The following NR3C2 variants were observed in gnomAD, a reference collection of about 807,000 sequenced individuals.
NR3C2 encodes nuclear receptor subfamily 3 group C member 2.
A neutral mutation model predicts 86.4 loss-of-function variants in NR3C2; 15 were observed. The ratio of observed to expected loss-of-function variants is 0.17; its 90% CI spans 0.12 to 0.27. NR3C2 has a LOEUF of 0.27. Among genes scored for constraint, NR3C2 ranks in the 10% least tolerant of loss-of-function variants. The pLI is 1.00. For synonymous variants in NR3C2, 458 were observed against 450.5 expected (o/e 1.02, Z -0.21); for missense variants, 960 against 1,195.6 (o/e 0.80, Z 2.91).
At chr4:148,138,404 G>A (rs2149750963) in intron 6 of NR3C2, among the ~76,000 whole-genome samples, 1 of 152,090 alleles carries the variant, frequency 6.6e-6, no homozygotes, top group South Asian at 2.1e-4. Flanking sequence ...ATTTTTTTGA[G>A]ACAGGGTCTT....
chr4:148,213,375 T>A (rs1394423276), intron 3 of NR3C2, among the ~76,000 whole-genome samples: 1 of 152,126 alleles, frequency 6.6e-6, no homozygotes, highest in Non-Finnish European at 1.5e-5. Context: ...AGACATGGTG[T>A]TAAAGTCTAA....
intron 2 of NR3C2, among the ~76,000 whole-genome samples, chr4:148,352,065 G>A (rs1745308263): frequency 6.6e-6 from 1 of 152,188 alleles, no homozygotes; most frequent in African/African-American, 2.4e-5. Context: ...CTAACTTGCT[G>A]TAGGGAGAAG....
chr4:148,389,549 C>T (rs1212087505), intron 2 of NR3C2, among the ~76,000 whole-genome samples: 1 of 151,902 alleles, frequency 6.6e-6, no homozygotes, highest in Non-Finnish European at 1.5e-5. Flanking sequence ...CATTTATCTC[C>T]TAGTATTACT....
chr4:148,177,719 T>A (rs1005408513), intron 4 of NR3C2, among the ~76,000 whole-genome samples: 1 of 152,184 alleles, frequency 6.6e-6, no homozygotes, highest in Non-Finnish European at 1.5e-5. Context: ...TGGCTGATCA[T>A]CCCTTTCTGA....
In NR3C2 at chr4:148,231,282, C is replaced by T. The variant is rs529677525; in HGVS notation, c.1897+28696G>A. On this transcript the variant is annotated intron_variant, in intron 3 of 8. Coordinates refer to ENST00000358102, the MANE Select transcript of NR3C2 (RefSeq NM_000901.5). The stretch of plus-strand genomic sequence containing the variant: ...AACGAACCAAAACTTTCAATTCGGC[C>T]TTTTTGCTATAACCATTGATAAATT... Among the ~76,000 whole-genome samples, 3 of 152,256 alleles carry T rather than the reference C, an allele frequency of 2.0e-5. No individual in the cohort carries two copies. In the East Asian group the frequency reaches 5.8e-4, roughly 29 times the overall value.
chr4:148,440,691 G>A (rs535787849), intron 1 of NR3C2, among the ~76,000 whole-genome samples: 1 of 152,298 alleles, frequency 6.6e-6, no homozygotes, highest in East Asian at 1.9e-4. Flanking sequence ...CCATACATAT[G>A]CTCTCAAACA....
intron 3 of NR3C2, among the ~76,000 whole-genome samples, chr4:148,228,822 C>T (rs1054899290): frequency 6.6e-6 from 1 of 152,134 alleles, no homozygotes; most frequent in Non-Finnish European, 1.5e-5. Flanking sequence ...ACATTATATC[C>T]AACCCCATAT....
chr4:148,205,400 C>T (rs965892888), intron 3 of NR3C2, among the ~76,000 whole-genome samples: 1 of 152,190 alleles, frequency 6.6e-6, no homozygotes, highest in Admixed American at 6.5e-5. Flanking sequence ...CTCCCCCTCT[C>T]CTATCCTCTA....
At chr4:148,443,222 C>CA (rs59506438), upstream of NR3C2, among the ~76,000 whole-genome samples, 1,461 of 40,796 alleles carry the variant, frequency 0.036, 171 homozygotes, top group African/African-American at 0.072. Context: ...CCCCTAACAC[C>CA]AAAAAAAAAA....
chr4:148,217,548 C>T (rs1289780231), intron 3 of NR3C2, among the ~76,000 whole-genome samples: 2 of 152,198 alleles, frequency 1.3e-5, no homozygotes, highest in Admixed American at 1.3e-4. Flanking sequence ...AACAGATCCA[C>T]TCTGCTATTG....
chr4:148,084,776 G>A (rs775438721), intron 8 of NR3C2, among the ~76,000 whole-genome samples: 39 of 152,054 alleles, frequency 2.6e-4, no homozygotes, highest in Non-Finnish European at 4.1e-4. Context: ...CCCATTTCAC[G>A]TGCAAAGACA....
intron 8 of NR3C2, among the ~76,000 whole-genome samples, chr4:148,090,810 C>T (rs1731025737): frequency 6.6e-6 from 1 of 152,208 alleles, no homozygotes; most frequent in Non-Finnish European, 1.5e-5. Flanking sequence ...CCGTGTTCCA[C>T]AGACAGAGAA....
At position 148,246,657 on chromosome 4, in the gene NR3C2, T is replaced by G. The variant is rs1164205062; in HGVS notation, c.1897+13321A>C. ...ACCTCTGTCTCCCGGGTTCAAGCAA[T>G]TCTCATTTCTCAGCCTCCAGAGTAG... On this transcript the variant is annotated intron_variant, in intron 3 of 8. Coordinates refer to ENST00000358102, the MANE Select transcript of NR3C2 (RefSeq NM_000901.5). 2.0e-5 allele frequency among the ~76,000 whole-genome samples: 3 copies of G among 152,150 alleles called. No homozygotes were observed. In the East Asian group the frequency reaches 5.8e-4, roughly 29 times the overall value.
chr4:148,154,998 T>C, intron 4 of NR3C2, 97 bp from the exon 5 acceptor site: 3 of 964,456 alleles, frequency 3.1e-6, no homozygotes, highest in Non-Finnish European at 4.8e-6. Flanking sequence ...AAATAGATCT[T>C]GTTATGTCAA....
chr4:148,175,933 T>A (rs754956918), intron 4 of NR3C2, among the ~76,000 whole-genome samples: 1 of 152,234 alleles, frequency 6.6e-6, no homozygotes, highest in East Asian at 1.9e-4. Context: ...GAGCTAAGAC[T>A]GCACCACTGC....
At chr4:148,283,668 T>C (rs1255370654) in intron 2 of NR3C2, among the ~76,000 whole-genome samples, 1 of 152,228 alleles carries the variant, frequency 6.6e-6, no homozygotes, top group Non-Finnish European at 1.5e-5. Flanking sequence ...AATCCCTCTA[T>C]TGGTTTTTAG....
At chr4:148,292,748 A>C (rs1438342545) in intron 2 of NR3C2, among the ~76,000 whole-genome samples, 2 of 152,152 alleles carry the variant, frequency 1.3e-5, no homozygotes, top group African/African-American at 2.4e-5. Context: ...TCTCCCAACT[A>C]TACCTGTCAA....
intron 3 of NR3C2, among the ~76,000 whole-genome samples, chr4:148,203,123 TG>T (rs1736813490): frequency 6.6e-6 from 1 of 152,228 alleles, no homozygotes; most frequent in Admixed American, 6.5e-5. Context: ...ACTCTCTGAA[TG>T]ATCTATTGCT....
At chr4:148,364,821 T>C (rs1746028862) in intron 2 of NR3C2, among the ~76,000 whole-genome samples, 2 of 152,088 alleles carry the variant, frequency 1.3e-5, no homozygotes, top group East Asian at 1.9e-4. Context: ...TGGGTTTTTT[T>C]TTTTTTTTTG....
Sources: allele counts gnomAD v4.1 joint callset (sites outside exome capture counted in the v4.1 genomes callset), GRCh38; gene constraint gnomAD v4.1.1; transcripts MANE v1.5; gene names NCBI Gene and HGNC (gene_info 2026-07-23, HGNC 2026-07-21).